DNAJC6: variants seen among roughly 807,000 people sequenced by gnomAD.
DNAJC6 encodes the protein auxilin.
Under a neutral mutation model 110.0 loss-of-function variants are expected in DNAJC6, and 34 were observed. That is an observed-to-expected ratio of 0.31 (90% confidence interval 0.24 to 0.41). The LOEUF (loss-of-function observed/expected upper bound fraction) is 0.41, where lower values mean the gene tolerates loss of function less well. Among genes scored for constraint, DNAJC6 ranks in the 10% least tolerant of loss-of-function variants. DNAJC6 has a pLI of 1.00. For missense variants in DNAJC6, 1,031 were observed against 1,207.8 expected (o/e 0.85, Z 2.17); for synonymous variants, 406 against 437.2 (o/e 0.93, Z 0.89).
At chr1:65,338,202 G>A (rs1242199699) in intron 1 of DNAJC6, among the ~76,000 whole-genome samples, 2 of 152,052 alleles carry the variant, frequency 1.3e-5, no homozygotes, top group Non-Finnish European at 2.9e-5. Flanking sequence ...ATACATTATG[G>A]ATTCACAATT....
Position 65,392,429 on chromosome 1 carries a change from A to G in DNAJC6, c.1469-2A>G. 6.3e-7 allele frequency: 1 copy of G among 1,587,404 alleles called. No individual in the cohort carries two copies. Among genetic ancestry groups the G allele is most frequent in the Non-Finnish European group, 8.6e-7 (1 of 1,165,960 alleles). On this transcript the variant is annotated splice_acceptor_variant, in intron 11 of 18. Coordinates refer to ENST00000371069, the MANE Select transcript of DNAJC6 (RefSeq NM_001256864.2). LOFTEE classifies it high-confidence loss of function. ...CTCTTATGGTATACTGGCCTTCCTC[A>G]GATCAGAAATCGGAGAAGTCATTCT...
chr1:65,389,117 T>TA, intron 9 of DNAJC6, 139 bp from the exon 10 acceptor site: 1 of 747,896 alleles, frequency 1.3e-6, no homozygotes, highest in Non-Finnish European at 2.1e-6. Flanking sequence ...TAAAGTAACT[T>TA]ATCTGGTTAT....
At chr1:65,396,481 C>T (rs1219916681) in intron 13 of DNAJC6, among the ~76,000 whole-genome samples, 2 of 152,140 alleles carry the variant, frequency 1.3e-5, no homozygotes, top group Non-Finnish European at 1.5e-5. Context: ...CTGTACTGGC[C>T]TCTTTGCTGT....
chr1:65,405,092 C>T (rs950484337), intron 15 of DNAJC6, among the ~76,000 whole-genome samples: 3 of 152,172 alleles, frequency 2.0e-5, no homozygotes, highest in African/African-American at 7.2e-5. Context: ...TAAATGCAAG[C>T]CACAGCTGGT....
chr1:65,392,768 A>G lies in DNAJC6; in HGVS notation c.1806A>G (p.Glu602=). The part of the protein sequence containing the change: ...GPTQAGQSGV[E]DVFHPSGPAS... ...CCCAGGCTGGACAGTCAGGAGTGGA[A>G]GATGTGTTTCATCCTAGTGGACCTG... Residue 602 remains glutamate, a synonymous_variant, in exon 12 of 19, where the codon GAA becomes GAG. Coordinates refer to ENST00000371069, the MANE Select transcript of DNAJC6 (RefSeq NM_001256864.2). 2 of 1,611,908 alleles carry G rather than the reference A, an allele frequency of 1.2e-6. No homozygotes were observed. The highest frequency in any genetic ancestry group is 1.7e-6 in the Non-Finnish European group (2 of 1,179,002).
intron 17 of DNAJC6, among the ~76,000 whole-genome samples, chr1:65,410,420 C>T (rs1035196724): frequency 5.3e-5 from 8 of 152,210 alleles, no homozygotes; most frequent in African/African-American, 1.9e-4. Context: ...TGTGCTTCAT[C>T]TCAATAACCG....
intron 1 of DNAJC6, among the ~76,000 whole-genome samples, chr1:65,273,585 G>GAC: frequency 6.6e-6 from 1 of 152,080 alleles, no homozygotes; most frequent in African/African-American, 2.4e-5. Context: ...GACACAGCAA[G>GAC]ACTCTGTCTC....
At chr1:65,377,561 G>A (rs1002554456) in intron 4 of DNAJC6, among the ~76,000 whole-genome samples, 1 of 152,124 alleles carries the variant, frequency 6.6e-6, no homozygotes, top group Admixed American at 6.5e-5. Context: ...AACCATACTT[G>A]TCTCTCCTAA....
chr1:65,368,672 T>TCTCCCTTC (rs1307388378), intron 4 of DNAJC6, among the ~76,000 whole-genome samples: 1 of 114,106 alleles, frequency 8.8e-6, no homozygotes, highest in Non-Finnish European at 1.8e-5. Flanking sequence ...TTCCTTCCTC[T>TCTCCCTTC]CTCCCTTCCT....
intron 1 of DNAJC6, among the ~76,000 whole-genome samples, chr1:65,265,547 A>C (rs1653286373): frequency 6.6e-6 from 1 of 152,168 alleles, no homozygotes; most frequent in African/African-American, 2.4e-5. Context: ...TGTTAGAGGG[A>C]TGGGGGAAGA....
intron 1 of DNAJC6, among the ~76,000 whole-genome samples, chr1:65,337,911 A>T (rs1187415527): frequency 6.6e-6 from 1 of 152,222 alleles, no homozygotes; most frequent in Non-Finnish European, 1.5e-5. Context: ...ATCTTTGGTC[A>T]TGGGAGCCTC....
chr1:65,304,336 C>G (rs1021378967), intron 1 of DNAJC6, among the ~76,000 whole-genome samples: 45 of 152,326 alleles, frequency 3.0e-4, no homozygotes, highest in African/African-American at 1.1e-3. Flanking sequence ...AAATGTCATC[C>G]ATCAGCTCAC....
Position 65,399,452 on chromosome 1 carries a change from C to T in DNAJC6, c.2107+571C>T, listed in dbSNP as rs141314561. ...CCTGACATTGAGCAAGTTAAGTGCA[C>T]GCGTGCACATACAAACACATACACA... On this transcript the variant is annotated intron_variant, in intron 14 of 18. Coordinates refer to ENST00000371069, the MANE Select transcript of DNAJC6 (RefSeq NM_001256864.2). Among the ~76,000 whole-genome samples the T allele has an allele frequency of 2.5e-3, 383 of 152,272 alleles. 2 individuals are homozygous for T. Among genetic ancestry groups the T allele is most frequent in the African/African-American group, 8.2e-3 (342 of 41,550 alleles).
intron 1 of DNAJC6, among the ~76,000 whole-genome samples, chr1:65,314,489 T>A (rs1197351698): frequency 1.3e-5 from 2 of 152,160 alleles, no homozygotes; most frequent in South Asian, 2.1e-4. Flanking sequence ...ACTTATTTTT[T>A]ATTTTTTTTT....
At chr1:65,314,495 T>G (rs112827058) in intron 1 of DNAJC6, among the ~76,000 whole-genome samples, 2 of 152,208 alleles carry the variant, frequency 1.3e-5, no homozygotes, top group African/African-American at 4.8e-5. Context: ...TTTTTATTTT[T>G]TTTTTATTTT....
At chr1:65,374,163 A>G (rs1392003398) in intron 4 of DNAJC6, among the ~76,000 whole-genome samples, 1 of 152,158 alleles carries the variant, frequency 6.6e-6, no homozygotes, top group Non-Finnish European at 1.5e-5. Flanking sequence ...TGCCAGTACC[A>G]TGCTGTTTTG....
chr1:65,356,307 C>T (rs1193507323), intron 1 of DNAJC6, among the ~76,000 whole-genome samples: 1 of 152,040 alleles, frequency 6.6e-6, no homozygotes, highest in Non-Finnish European at 1.5e-5. Flanking sequence ...CATGGTGGCT[C>T]ATAACTGTAA....
chr1:65,383,945 A>G, intron 5 of DNAJC6: 1 of 349,944 alleles, frequency 2.9e-6, no homozygotes, highest in Non-Finnish European at 5.1e-6. Flanking sequence ...CACCAAATAT[A>G]TACAAATCAA....
chr1:65,332,556 G>A (rs546138396), intron 1 of DNAJC6, among the ~76,000 whole-genome samples: 1 of 152,312 alleles, frequency 6.6e-6, no homozygotes, highest in South Asian at 2.1e-4. Flanking sequence ...CTGAATCAAC[G>A]GCAATTTTTG....
Sources: gnomAD v4.1 joint callset for allele counts (sites outside exome capture counted in the v4.1 genomes callset) on GRCh38, gnomAD v4.1.1 for gene constraint, MANE v1.5 for transcripts, NCBI Gene and HGNC (gene_info 2026-07-23, HGNC 2026-07-21) for gene names.